KCNJ6: variants seen among roughly 807,000 people sequenced by gnomAD.
KCNJ6 encodes the protein G protein-activated inward rectifier potassium channel 2.
A neutral mutation model predicts 34.2 loss-of-function variants in KCNJ6; 9 were observed. The ratio of observed to expected loss-of-function variants is 0.26; its 90% CI spans 0.16 to 0.46. KCNJ6 has a LOEUF of 0.46. Ranked by LOEUF, KCNJ6 falls within the 20% of genes least tolerant of loss-of-function variation. The probability of loss-of-function intolerance (pLI) is 1.00; values close to 1 mark genes in which losing one functional copy is unlikely to be tolerated. For synonymous variants in KCNJ6, 196 were observed against 207.1 expected, an observed-to-expected ratio of 0.95 and a Z score of 0.46; for missense variants, 236 against 531.3, an observed-to-expected ratio of 0.44 and a Z score of 5.46.
chr21:37,756,970 C>T (rs1253082570), intron 2 of KCNJ6, among the ~76,000 whole-genome samples: 1 of 4,036 alleles, frequency 2.5e-4, no homozygotes, highest in Admixed American at 4.2e-3. Flanking sequence ...TCCCTCACAG[C>T]ATGATGGTTC....
chr21:37,887,738 T>TCCA (rs2055742727), intron 1 of KCNJ6, among the ~76,000 whole-genome samples: 1 of 152,208 alleles, frequency 6.6e-6, no homozygotes, highest in Non-Finnish European at 1.5e-5. Context: ...AAAGGTGATC[T>TCCA]GGAGAGGGAT....
At position 37,617,678 on chromosome 21, in the gene KCNJ6, T is replaced by C. The variant is rs2054277580; in HGVS notation, c.*7481A>G. The C allele has an allele frequency of 6.6e-6, 1 of 152,220 alleles. No homozygotes were observed. Among genetic ancestry groups the C allele is most frequent in the African/African-American group, 2.4e-5 (1 of 41,460 alleles). The allele number at this position is 152,220 out of a possible 1,614,324, so 9.4% of individuals were successfully genotyped here. A position where few individuals can be genotyped will look rare whatever the true frequency, so the allele number is the denominator to read the frequency against. On this transcript the variant is annotated 3_prime_UTR_variant, in exon 4 of 4. Transcript: ENST00000609713. ...TGAGTCTGTGCCCACGGCATCGTGATACCAAAACGTGAGACTTCCTAGAGA... is the reference window on the plus strand; with the variant it reads ...TGAGTCTGTGCCCACGGCATCGTGACACCAAAACGTGAGACTTCCTAGAGA...
intron 1 of KCNJ6, among the ~76,000 whole-genome samples, chr21:37,879,909 C>G (rs912054636): frequency 1.3e-5 from 2 of 151,876 alleles, no homozygotes; most frequent in South Asian, 2.1e-4. Context: ...GTAAAAAAAC[C>G]CTTTGACTCA....
chr21:37,813,710 A>T (rs1310363095), intron 2 of KCNJ6, among the ~76,000 whole-genome samples: 1 of 152,218 alleles, frequency 6.6e-6, no homozygotes, highest in African/African-American at 2.4e-5. Context: ...ATGCAGAAGA[A>T]TGAAACTGGA....
intron 1 of KCNJ6, among the ~76,000 whole-genome samples, chr21:37,888,597 G>A (rs2055747046): frequency 6.6e-6 from 1 of 152,234 alleles, no homozygotes; most frequent in South Asian, 2.1e-4. Context: ...TGGGAGGAAG[G>A]TGGATAAAAT....
chr21:37,854,968 G>A (rs941510217), intron 1 of KCNJ6, among the ~76,000 whole-genome samples: 2 of 152,046 alleles, frequency 1.3e-5, no homozygotes, highest in African/African-American at 4.8e-5. Context: ...AGAGAAAATC[G>A]GTAAGGATAC....
At chr21:37,817,881 G>A (rs939002098) in intron 2 of KCNJ6, among the ~76,000 whole-genome samples, 6 of 152,110 alleles carry the variant, frequency 3.9e-5, no homozygotes, top group Non-Finnish European at 8.8e-5. Flanking sequence ...AACTCTTTTT[G>A]TATCATTATA....
chr21:37,821,532 T>TAAATA (rs2055373073), intron 2 of KCNJ6, among the ~76,000 whole-genome samples: 1 of 152,194 alleles, frequency 6.6e-6, no homozygotes, highest in Non-Finnish European at 1.5e-5. Context: ...TTTATCCTGA[T>TAAATA]GCTCTCCTTT....
chr21:37,640,251 G>T (rs1246544419), intron 3 of KCNJ6, among the ~76,000 whole-genome samples: 1 of 152,186 alleles, frequency 6.6e-6, no homozygotes, highest in Non-Finnish European at 1.5e-5. Context: ...TGAAGCCTAG[G>T]GGCCACACTA....
intron 3 of KCNJ6, among the ~76,000 whole-genome samples, chr21:37,691,026 C>T (rs1265823386): frequency 6.6e-6 from 1 of 152,220 alleles, no homozygotes; most frequent in Non-Finnish European, 1.5e-5. Flanking sequence ...CGTGATCCAC[C>T]TGCCTCAGCC....
chr21:37,784,955 T>G (rs1164450515), intron 2 of KCNJ6, among the ~76,000 whole-genome samples: 1 of 152,192 alleles, frequency 6.6e-6, no homozygotes, highest in Admixed American at 6.5e-5. Flanking sequence ...GAGCACAATT[T>G]GGAGAATGTC....
intron 2 of KCNJ6, among the ~76,000 whole-genome samples, chr21:37,749,781 C>A (rs917616288): frequency 6.6e-6 from 1 of 152,168 alleles, no homozygotes; most frequent in Non-Finnish European, 1.5e-5. Flanking sequence ...TCTAACTTAA[C>A]ACAGGGACAT....
intron 1 of KCNJ6, among the ~76,000 whole-genome samples, chr21:37,912,679 T>C (rs899008237): frequency 1.3e-5 from 2 of 152,220 alleles, no homozygotes; most frequent in East Asian, 1.9e-4. Flanking sequence ...TCAATACCTA[T>C]CAGGAACTGA....
intron 3 of KCNJ6, among the ~76,000 whole-genome samples, chr21:37,632,084 A>G (rs2898319): frequency 0.024 from 3,593 of 152,196 alleles, 102 homozygotes; most frequent in East Asian, 0.07. Flanking sequence ...GAAGTATCAG[A>G]AAAGGAGGCC....
At chr21:37,728,698 G>GTGTGTATATA (rs1491321788) in intron 2 of KCNJ6, among the ~76,000 whole-genome samples, 5 of 150,208 alleles carry the variant, frequency 3.3e-5, no homozygotes, top group African/African-American at 1.2e-4. Flanking sequence ...GTGTGTGTGT[G>GTGTGTATATA]TATATATATA....
Position 37,609,958 on chromosome 21 carries a change from C to T in KCNJ6, c.*15201G>A, listed in dbSNP as rs1473062120. 1 of 152,246 alleles carries T rather than the reference C, an allele frequency of 6.6e-6. No homozygotes were observed. Among genetic ancestry groups the T allele is most frequent in the Non-Finnish European group, 1.5e-5 (1 of 68,062 alleles). 9.4% of individuals were successfully genotyped at this position (152,246 alleles called of 1,614,324 possible). A position where few individuals can be genotyped will look rare whatever the true frequency, so the allele number is the denominator to read the frequency against. On this transcript the variant is annotated 3_prime_UTR_variant, in exon 4 of 4. Transcript: ENST00000609713. ...GCATGTCCAGTAGCACCTCATTTAT[C>T]TAGAAGGCACCTACCTCACAGCTCA...
At chr21:37,664,611 AACTG>A (rs1315067256) in intron 3 of KCNJ6, among the ~76,000 whole-genome samples, 1 of 152,146 alleles carries the variant, frequency 6.6e-6, no homozygotes, top group African/African-American at 2.4e-5. Context: ...TACTTACAAA[AACTG>A]ACTCAGTTAC....
intron 3 of KCNJ6, among the ~76,000 whole-genome samples, chr21:37,641,388 C>T (rs770044695): frequency 2.0e-5 from 3 of 151,984 alleles, no homozygotes; most frequent in South Asian, 2.1e-4. Flanking sequence ...ACTTGGCCCT[C>T]GGATTCATTG....
At chr21:37,823,209 T>A (rs1278683440) in intron 2 of KCNJ6, among the ~76,000 whole-genome samples, 1 of 152,064 alleles carries the variant, frequency 6.6e-6, no homozygotes, top group African/African-American at 2.4e-5. Context: ...GCCCTCAGAC[T>A]TAGGCTCTGG....
Sources: gnomAD v4.1 joint callset for allele counts (sites outside exome capture counted in the v4.1 genomes callset) on GRCh38, gnomAD v4.1.1 for gene constraint, MANE v1.5 for transcripts, NCBI Gene and HGNC (gene_info 2026-07-23, HGNC 2026-07-21) for gene names.